Variants in HYDIN observed in about 807,000 individuals in gnomAD.
The protein encoded by HYDIN is axonemal central pair apparatus protein HYDIN.
A neutral mutation model predicts 403.9 loss-of-function variants in HYDIN; 132 were observed. That is an observed-to-expected ratio of 0.33 (90% CI 0.28 to 0.38). The LOEUF (loss-of-function observed/expected upper bound fraction) is 0.38, where lower values mean the gene tolerates loss of function less well. Ranked by LOEUF, HYDIN falls within the 10% of genes least tolerant of loss-of-function variation. The pLI, the probability that HYDIN is intolerant of heterozygous loss-of-function variation, is 1.00. For synonymous variants in HYDIN, 1,202 were observed against 1,891.7 expected, an observed-to-expected ratio of 0.64 and a Z score of 9.46; for missense variants, 2,827 against 5,009.5, an observed-to-expected ratio of 0.56 and a Z score of 13.15.
chr16:71,058,956 TTTC>T (rs1390960101), intron 18 of HYDIN, among the ~76,000 whole-genome samples: 9 of 152,234 alleles, frequency 5.9e-5, no homozygotes, highest in Non-Finnish European at 1.3e-4. Context: ...TCCTTATGAT[TTTC>T]TTAATAACAT....
At chr16:71,005,444 G>T (rs1023384295) in intron 23 of HYDIN, among the ~76,000 whole-genome samples, 1 of 152,002 alleles carries the variant, frequency 6.6e-6, no homozygotes, top group African/African-American at 2.4e-5. Context: ...TGAGAAGGTG[G>T]CTGTCTACAA....
At chr16:71,188,313 C>T (rs1228860102) in intron 1 of HYDIN, among the ~76,000 whole-genome samples, 2 of 152,080 alleles carry the variant, frequency 1.3e-5, no homozygotes, top group Non-Finnish European at 2.9e-5. Flanking sequence ...GCCTGCCCTG[C>T]TCTCACAGAA....
intron 49 of HYDIN, 130 bp from the exon 50 acceptor site, chr16:70,907,621 C>A (rs2076571586): frequency 2.3e-6 from 1 of 427,840 alleles, no homozygotes. Context: ...CAGAGTGACT[C>A]TTCTTTGTCC....
chr16:71,226,333 G>A (rs1331952969), intron 1 of HYDIN, among the ~76,000 whole-genome samples: 6 of 152,112 alleles, frequency 3.9e-5, no homozygotes, highest in Non-Finnish European at 7.4e-5. Flanking sequence ...CAAGGTAAGT[G>A]GAGGGAGGAG....
intron 52 of HYDIN, among the ~76,000 whole-genome samples, chr16:70,901,742 T>C (rs1314078562): frequency 1.3e-5 from 2 of 151,906 alleles, no homozygotes; most frequent in Non-Finnish European, 2.9e-5. Context: ...CCCGCCACCA[T>C]GCCTGGCTAA....
At chr16:70,955,660 G>A (rs1283894232) in intron 39 of HYDIN, 112 bp from the exon 40 acceptor site, 1 of 568,396 alleles carries the variant, frequency 1.8e-6, no homozygotes, top group Non-Finnish European at 3.1e-6. Flanking sequence ...TGAGTGCTCT[G>A]CCTCCTTCCC....
chr16:70,879,518 G>A (rs1387632904), intron 61 of HYDIN, 32 bp from the exon 62 acceptor site: 10 of 1,609,994 alleles, frequency 6.2e-6, no homozygotes, highest in Admixed American at 1.7e-5. Context: ...TAGCCTGTCA[G>A]CCTGGCATGG....
At chr16:70,895,483 A>G (rs1774434) in intron 54 of HYDIN, among the ~76,000 whole-genome samples, 2 of 152,248 alleles carry the variant, frequency 1.3e-5, no homozygotes, top group Non-Finnish European at 2.9e-5. Context: ...GAATGTGGAG[A>G]AAGGGGACCA....
intron 83 of HYDIN, among the ~76,000 whole-genome samples, chr16:70,824,785 C>T (rs1024075831): frequency 2.0e-5 from 3 of 151,796 alleles, no homozygotes; most frequent in Admixed American, 6.6e-5. Flanking sequence ...TTAAGCTTTG[C>T]TAATTCAGAA....
At chr16:71,045,319 A>C (rs1461596223) in intron 18 of HYDIN, among the ~76,000 whole-genome samples, 1 of 152,122 alleles carries the variant, frequency 6.6e-6, no homozygotes, top group Non-Finnish European at 1.5e-5. Context: ...TCTTAGAGGG[A>C]AATAGTTTGG....
chr16:70,939,694 T>C (rs376809609), intron 43 of HYDIN, among the ~76,000 whole-genome samples: 1 of 151,392 alleles, frequency 6.6e-6, no homozygotes, highest in African/African-American at 2.4e-5. Context: ...TGTAAGACAA[T>C]ACATTTCTAT....
chr16:71,064,898 A>G, intron 15 of HYDIN, 58 bp from the exon 16 acceptor site: 3 of 1,589,702 alleles, frequency 1.9e-6, no homozygotes, highest in Non-Finnish European at 2.6e-6. Context: ...CATACAGAAA[A>G]CGCAGAGCCC....
At chr16:70,836,339 G>C (rs1460109878) in intron 77 of HYDIN, among the ~76,000 whole-genome samples, 2 of 152,182 alleles carry the variant, frequency 1.3e-5, no homozygotes, top group African/African-American at 4.8e-5. Flanking sequence ...GGTCTTGCAA[G>C]GCCTTTTAGG....
intron 42 of HYDIN, among the ~76,000 whole-genome samples, chr16:70,942,534 G>GT (rs1296501369): frequency 6.6e-6 from 1 of 152,240 alleles, no homozygotes; most frequent in Non-Finnish European, 1.5e-5. Context: ...GCCTTGGAGC[G>GT]TAATGATTTT....
intron 2 of HYDIN, among the ~76,000 whole-genome samples, chr16:71,185,621 G>C (rs1329089012): frequency 6.6e-6 from 1 of 151,814 alleles, no homozygotes; most frequent in Non-Finnish European, 1.5e-5. Context: ...ACACACCCCA[G>C]TAAGAACACA....
chr16:71,084,385 C>T lies in HYDIN; in HGVS notation c.1670+3916G>A, dbSNP rs55731094. ...TTTGGATATGGATATTTAACCCTATCTTTTTGTTTGTTTGTTTTTGAGACA... is the reference window on the plus strand; with the variant it reads ...TTTGGATATGGATATTTAACCCTATTTTTTTGTTTGTTTGTTTTTGAGACA... On this transcript the variant is annotated intron_variant, in intron 12 of 85. Transcript: ENST00000393567. Among the ~76,000 whole-genome samples the T allele has an allele frequency of 8.5e-4, 70 of 82,070 alleles. 1 individual carries two copies. Among genetic ancestry groups the T allele is most frequent in the African/African-American group, 2.4e-3 (26 of 10,832 alleles). The allele number at this position is 82,070 out of a possible 152,430, so 53.8% of individuals were successfully genotyped here.
intron 45 of HYDIN, among the ~76,000 whole-genome samples, chr16:70,928,918 A>G (rs1475242544): frequency 8.4e-6 from 1 of 118,910 alleles, no homozygotes; most frequent in Non-Finnish European, 1.7e-5. Context: ...AGGAAAGTTC[A>G]AAGTAGAAAC....
intron 37 of HYDIN, among the ~76,000 whole-genome samples, chr16:70,962,919 T>G (rs908347772): frequency 6.7e-6 from 1 of 150,038 alleles, no homozygotes. Flanking sequence ...AGAGAGGCAC[T>G]GGTGAGAAGC....
At position 71,137,348 on chromosome 16, in the gene HYDIN, T is replaced by C; in HGVS notation, c.846A>G (p.Glu282=). The part of the protein sequence containing the change: ...GRLIVCYDTG[E]KVFVSLYGAA... ...CTCCATAGAGAGATACAAACACCTT[T>C]TCACCTAGGAATTAACAAAGTACAA... The change falls in exon 8 of 86, where the codon GAA becomes GAG. Residue 282 remains glutamate (E), a synonymous_variant. Transcript: ENST00000393567. 1 of 595,882 alleles carries C rather than the reference T, an allele frequency of 1.7e-6. No homozygotes were observed. The highest frequency in any genetic ancestry group is 3.0e-6 in the Non-Finnish European group (1 of 336,786). 36.9% of individuals were successfully genotyped at this position (595,882 alleles called of 1,614,324 possible).
Sources: allele counts gnomAD v4.1 joint callset (sites outside exome capture counted in the v4.1 genomes callset), GRCh38; gene constraint gnomAD v4.1.1; transcripts MANE v1.5; gene names NCBI Gene and HGNC (gene_info 2026-07-23, HGNC 2026-07-21).